The following TIA1 variants were observed in gnomAD, a reference collection of about 807,000 sequenced individuals.
The protein encoded by TIA1 is cytotoxic granule associated RNA binding protein TIA1.
In TIA1, 23 loss-of-function variants were observed where a neutral mutation model predicts 65.9. The observed-to-expected ratio is 0.35, with a 90% CI of 0.25 to 0.49. TIA1 has a LOEUF of 0.49. Among genes scored for constraint, TIA1 ranks in the 20% least tolerant of loss-of-function variants. The probability of loss-of-function intolerance (pLI) is 0.98; values close to 1 mark genes in which losing one functional copy is unlikely to be tolerated. For missense variants in TIA1, 371 were observed against 477.9 expected (o/e 0.78, Z 2.09); for synonymous variants, 147 against 149.4 (o/e 0.98, Z 0.12).
chr2:70,225,022 A>G (rs938076116), intron 6 of TIA1: 1 of 988,546 alleles, frequency 1.0e-6, no homozygotes, highest in Non-Finnish European at 1.2e-6. Context: ...TATTCTACCT[A>G]ATCATTAAAA....
chr2:70,237,080 C>G (rs1689305528), intron 1 of TIA1, among the ~76,000 whole-genome samples: 1 of 152,176 alleles, frequency 6.6e-6, no homozygotes, highest in Non-Finnish European at 1.5e-5. Flanking sequence ...TTCAAAATCT[C>G]TTTGAAAACA....
intron 1 of TIA1, among the ~76,000 whole-genome samples, chr2:70,246,618 G>A (rs1272141351): frequency 6.6e-6 from 1 of 152,198 alleles, no homozygotes; most frequent in Admixed American, 6.5e-5. Flanking sequence ...AGGCGCAGTG[G>A]CTCACACCTG....
Position 70,212,459 on chromosome 2 carries a change from G to A in TIA1, c.*260C>T, listed in dbSNP as rs935341194. Reference sequence around the variant, plus strand: ...TAGTTAAAAAGTGGCAGCAATCCCTGCATTTGTGTTTGAAACAAGGATCTG... The same window carrying A: ...TAGTTAAAAAGTGGCAGCAATCCCTACATTTGTGTTTGAAACAAGGATCTG... On this transcript the variant is annotated 3_prime_UTR_variant, in exon 13 of 13. Coordinates refer to ENST00000433529, the MANE Select transcript of TIA1 (RefSeq NM_022173.4). 7.8e-5 allele frequency: 25 copies of A among 319,900 alleles called. No individual in the cohort carries two copies. Among genetic ancestry groups the A allele is most frequent in the Admixed American group, 5.8e-4 (14 of 24,150 alleles). 19.8% of individuals were successfully genotyped at this position (319,900 alleles called of 1,614,324 possible). A position where few individuals can be genotyped will look rare whatever the true frequency, so the allele number is the denominator to read the frequency against.
At chr2:70,217,546 T>A (rs1408960829) in intron 7 of TIA1, among the ~76,000 whole-genome samples, 1 of 152,124 alleles carries the variant, frequency 6.6e-6, no homozygotes, top group Non-Finnish European at 1.5e-5. Context: ...TACGGGCACC[T>A]GCCACCACGC....
chr2:70,237,382 C>T (rs1050445975), intron 1 of TIA1, among the ~76,000 whole-genome samples: 2 of 151,962 alleles, frequency 1.3e-5, no homozygotes, highest in Non-Finnish European at 2.9e-5. Flanking sequence ...GCCTGGGCAA[C>T]AGAGTGAGAC....
chr2:70,217,012 A>G lies in TIA1; in HGVS notation c.475-18T>C, dbSNP rs1247760390. On this transcript the variant is annotated intron_variant, in intron 7 of 12. Coordinates refer to ENST00000433529, the MANE Select transcript of TIA1 (RefSeq NM_022173.4). ...TCAGCATCCTGTTCCGTACAACATT[A>G]GAAACAATAAAGAAGTCACTATTAG... The G allele has an allele frequency of 1.9e-6, 3 of 1,596,492 alleles. No homozygotes were observed. Among genetic ancestry groups the G allele is most frequent in the Non-Finnish European group, 2.6e-6 (3 of 1,173,168 alleles).
In TIA1 at chr2:70,218,560, C is replaced by T. The variant is rs541875682; in HGVS notation, c.475-1566G>A. Among the ~76,000 whole-genome samples the T allele has an allele frequency of 2.6e-5, 4 of 152,228 alleles. No individual in the cohort carries two copies. In the East Asian group the frequency reaches 7.7e-4, roughly 29 times the overall value. On this transcript the variant is annotated intron_variant, in intron 7 of 12. Transcript: ENST00000433529. Reference sequence around the variant, plus strand: ...CATTCTCCTGTACAGGTGCCAGCCACCAAGCCCGGCTAATTTTTTTTTGTA... The same window carrying T: ...CATTCTCCTGTACAGGTGCCAGCCATCAAGCCCGGCTAATTTTTTTTTGTA...
Position 70,248,408 on chromosome 2 carries a change from G to A in TIA1, c.23C>T (p.Thr8Ile), listed in dbSNP as rs1413574772. The A allele has an allele frequency of 6.2e-6, 10 of 1,600,398 alleles. No homozygotes were observed. The highest frequency in any genetic ancestry group is 4.0e-5 in the African/African-American group (3 of 74,924). ...CTCATCGCTGCCCCAGACTCACAGAGTCTTGGGCATCTCGTCCTCCATGGC... is the reference window on the plus strand; with the variant it reads ...CTCATCGCTGCCCCAGACTCACAGAATCTTGGGCATCTCGTCCTCCATGGC... MEDEMPKTLYVGNLSRDV... is the reference protein window; with the variant it reads MEDEMPKILYVGNLSRDV... The change falls in exon 1 of 13, where the codon ACT (threonine) becomes ATT (isoleucine). Residue 8 changes from threonine (T) to isoleucine (I), a missense_variant. Transcript: ENST00000433529.
chr2:70,232,650 C>T (rs1687017303), intron 2 of TIA1, among the ~76,000 whole-genome samples: 1 of 151,110 alleles, frequency 6.6e-6, no homozygotes, highest in African/African-American at 2.4e-5. Flanking sequence ...AGGTGGATCA[C>T]CTGAGGTCAG....
intron 3 of TIA1, among the ~76,000 whole-genome samples, chr2:70,230,002 G>A (rs1301644546): frequency 6.6e-6 from 1 of 151,512 alleles, no homozygotes; most frequent in Non-Finnish European, 1.5e-5. Context: ...ACTTTGGGAG[G>A]CCGAGACGGG....
intron 3 of TIA1, 70 bp from the exon 4 acceptor site, chr2:70,229,388 A>G (rs964153770): frequency 7.7e-7 from 1 of 1,296,960 alleles, no homozygotes; most frequent in African/African-American, 1.5e-5. Context: ...GTATCTATAA[A>G]CACATAGGAA....
intron 1 of TIA1, among the ~76,000 whole-genome samples, chr2:70,238,046 G>A (rs1342548540): frequency 6.7e-6 from 1 of 150,278 alleles, no homozygotes; most frequent in African/African-American, 2.4e-5. Flanking sequence ...CTGTAGTCCC[G>A]GCTACTCGGG....
rs2104378620 is a variant in TIA1, at chr2:70,227,722, T to A, written c.398+13A>T. The A allele has an allele frequency of 6.5e-7, 1 of 1,538,994 alleles. No homozygotes were observed. Among genetic ancestry groups the A allele is most frequent in the Non-Finnish European group, 8.9e-7 (1 of 1,127,412 alleles). The stretch of plus-strand genomic sequence containing the variant: ...TCTAATTAAAAGGATTTTATTTATC[T>A]TCTGTTACTTACGATATTCTTCCAA... On this transcript the variant is annotated intron_variant, in intron 6 of 12. Coordinates refer to ENST00000433529, the MANE Select transcript of TIA1 (RefSeq NM_022173.4).
At chr2:70,243,767 A>C (rs1048118684) in intron 1 of TIA1, among the ~76,000 whole-genome samples, 2 of 152,216 alleles carry the variant, frequency 1.3e-5, no homozygotes, top group African/African-American at 4.8e-5. Context: ...CATCATTCTC[A>C]CATGCCACAT....
intron 7 of TIA1, among the ~76,000 whole-genome samples, chr2:70,224,154 G>C (rs1428082973): frequency 1.3e-5 from 2 of 151,702 alleles, no homozygotes; most frequent in Admixed American, 6.6e-5. Flanking sequence ...CTGACCTCAG[G>C]TGATCCACCC....
intron 1 of TIA1, among the ~76,000 whole-genome samples, chr2:70,247,713 A>G (rs1695007654): frequency 6.6e-6 from 1 of 152,202 alleles, no homozygotes. Context: ...GTAGTAAACG[A>G]CTATAAAAAT....
intron 8 of TIA1, 110 bp from the exon 9 acceptor site, chr2:70,216,609 G>T: frequency 2.3e-6 from 3 of 1,301,908 alleles, no homozygotes; most frequent in Non-Finnish European, 2.1e-6. Flanking sequence ...TGATCAAAAT[G>T]CTTATATTAC....
intron 1 of TIA1, among the ~76,000 whole-genome samples, chr2:70,241,332 C>G (rs185946308): frequency 1.3e-5 from 2 of 152,096 alleles, no homozygotes; most frequent in Non-Finnish European, 2.9e-5. Flanking sequence ...GTTTCAGCTA[C>G]TAGGGAGGCC....
chr2:70,219,294 G>A (rs543671466), intron 7 of TIA1, among the ~76,000 whole-genome samples: 1 of 152,188 alleles, frequency 6.6e-6, no homozygotes, highest in African/African-American at 2.4e-5. Flanking sequence ...GGTCCAGGGA[G>A]CCAAGAAAAC....
Sources: gnomAD v4.1 joint callset for allele counts (sites outside exome capture counted in the v4.1 genomes callset) on GRCh38, gnomAD v4.1.1 for gene constraint, MANE v1.5 for transcripts, NCBI Gene and HGNC (gene_info 2026-07-23, HGNC 2026-07-21) for gene names.